The following PDE5A variants were observed in gnomAD, a reference collection of about 807,000 sequenced individuals.
PDE5A encodes the protein cGMP-specific 3',5'-cyclic phosphodiesterase.
PDE5A carries 67 observed loss-of-function variants against 110.2 expected under a neutral mutation model. That is an observed-to-expected ratio of 0.61 (90% CI 0.50 to 0.75). PDE5A has a LOEUF of 0.75. Ranked by LOEUF, PDE5A falls within the 30% of genes least tolerant of loss-of-function variation. The pLI is 0.00. For missense variants in PDE5A, 862 were observed against 1,045.1 expected, an observed-to-expected ratio of 0.82 and a Z score of 2.42; for synonymous variants, 328 against 351.2, an observed-to-expected ratio of 0.93 and a Z score of 0.74.
At chr4:119,562,010 C>G (rs1298270429) in intron 6 of PDE5A, among the ~76,000 whole-genome samples, 3 of 152,200 alleles carry the variant, frequency 2.0e-5, no homozygotes, top group African/African-American at 4.8e-5. Context: ...AGTGCACGCT[C>G]TCTTTCCTAT....
intron 5 of PDE5A, among the ~76,000 whole-genome samples, chr4:119,564,185 T>C (rs1727843770): frequency 6.6e-6 from 1 of 151,936 alleles, no homozygotes; most frequent in African/African-American, 2.4e-5. Flanking sequence ...AGATAATAAA[T>C]ATAGCTACAA....
At chr4:119,615,815 C>A (rs1280249663) in intron 1 of PDE5A, among the ~76,000 whole-genome samples, 1 of 152,076 alleles carries the variant, frequency 6.6e-6, no homozygotes, top group Non-Finnish European at 1.5e-5. Flanking sequence ...CAGAAGAAAG[C>A]CTAGCTGCCC....
At position 119,569,023 on chromosome 4, in the gene PDE5A, C is replaced by T. The variant is rs74716895; in HGVS notation, c.832-1879G>A. Among the ~76,000 whole-genome samples, 813 of 151,422 alleles carry T rather than the reference C, an allele frequency of 5.4e-3. 11 individuals carry two copies. Among genetic ancestry groups the T allele is most frequent in the African/African-American group, 0.019 (775 of 41,202 alleles). ...TAAATTTACAGTGAGATGATGATTC[C>T]TTTCAGTCTTTTTTTTTTTTTTCTT... On this transcript the variant is annotated intron_variant, in intron 3 of 20. Transcript: ENST00000354960.
In PDE5A at chr4:119,599,955, C is replaced by CT. The variant is rs1320006538; in HGVS notation, c.742-3344dup. The stretch of plus-strand genomic sequence containing the variant: ...AAGACAAGAAAAAAATGAGAAAACT[C>CT]TTTTTTAAAATATTGAAAGAAAACT... On this transcript the variant is annotated intron_variant, in intron 2 of 20. Coordinates refer to ENST00000354960, the MANE Select transcript of PDE5A (RefSeq NM_001083.4). 3.3e-5 allele frequency among the ~76,000 whole-genome samples: 5 copies of CT among 152,068 alleles called. No homozygotes were observed. In the East Asian group the frequency reaches 9.6e-4, roughly 29 times the overall value.
In PDE5A at chr4:119,607,038, G is replaced by A. The variant is rs746375265; in HGVS notation, c.412C>T (p.Pro138Ser). The A allele has an allele frequency of 3.1e-6, 5 of 1,614,052 alleles. No homozygotes were observed. Among genetic ancestry groups the A allele is most frequent in the African/African-American group, 2.7e-5 (2 of 74,916 alleles). ...CCTTCATCATGATCAAACCTTGGAG[G>A]GGTTAGAGGCATCTGTTCCTTCTTT... is the stretch of plus-strand genomic sequence containing the variant. ...SEKKEQMPLTPPRFDHDEGDQ... is the reference protein window; with the variant it reads ...SEKKEQMPLTSPRFDHDEGDQ... The change falls in exon 2 of 21, where the codon CCT becomes TCT. Residue 138 changes from proline (P) to serine (S), a missense_variant. Pro to Ser is a moderately conservative substitution (Grantham distance 74). Coordinates refer to ENST00000354960, the MANE Select transcript of PDE5A (RefSeq NM_001083.4).
chr4:119,565,166 A>G (rs113078374), intron 5 of PDE5A, among the ~76,000 whole-genome samples, 155 bp downstream of exon 5: 2 of 152,314 alleles, frequency 1.3e-5, no homozygotes, highest in African/African-American at 4.8e-5. Context: ...AAGCATGGAA[A>G]ATAGGAAATA....
chr4:119,563,067 C>A, intron 5 of PDE5A, 97 bp from the exon 6 acceptor site: 2 of 987,302 alleles, frequency 2.0e-6, no homozygotes, highest in Non-Finnish European at 2.9e-6. Flanking sequence ...TATAACCTAG[C>A]AGGTTATGAT....
At chr4:119,605,602 G>A (rs1436437463) in intron 2 of PDE5A, among the ~76,000 whole-genome samples, 2 of 151,842 alleles carry the variant, frequency 1.3e-5, no homozygotes, top group East Asian at 1.9e-4. Flanking sequence ...AGTCGAGATC[G>A]CGTTACTGCA....
chr4:119,510,208 A>T (rs914615328), intron 15 of PDE5A, among the ~76,000 whole-genome samples: 13 of 152,022 alleles, frequency 8.6e-5, no homozygotes, highest in African/African-American at 3.1e-4. Context: ...TCTATACTAT[A>T]TGTTGGAACC....
chr4:119,530,380 T>C (rs905444234), intron 11 of PDE5A, among the ~76,000 whole-genome samples: 3 of 152,262 alleles, frequency 2.0e-5, no homozygotes, highest in Admixed American at 6.5e-5. Flanking sequence ...ATCCTACAGG[T>C]TGGTGAATTA....
At chr4:119,567,937 A>G (rs543008918) in intron 3 of PDE5A, among the ~76,000 whole-genome samples, 8 of 151,896 alleles carry the variant, frequency 5.3e-5, no homozygotes, top group African/African-American at 1.7e-4. Context: ...GGAATAAGCT[A>G]TTATCCTCTA....
chr4:119,555,088 C>G (rs1373613335), intron 7 of PDE5A, among the ~76,000 whole-genome samples: 1 of 152,144 alleles, frequency 6.6e-6, no homozygotes, highest in Non-Finnish European at 1.5e-5. Flanking sequence ...ATATGGCGTC[C>G]TTCAGCGCTA....
At chr4:119,531,964 T>C (rs1726557679) in intron 11 of PDE5A, among the ~76,000 whole-genome samples, 1 of 152,176 alleles carries the variant, frequency 6.6e-6, no homozygotes, top group Non-Finnish European at 1.5e-5. Context: ...GAAAATGTTA[T>C]CTCAGTGTCC....
At chr4:119,514,918 T>C (rs1725859647) in intron 14 of PDE5A, among the ~76,000 whole-genome samples, 1 of 152,172 alleles carries the variant, frequency 6.6e-6, no homozygotes, top group South Asian at 2.1e-4. Context: ...TTTAATGACT[T>C]GCACAAGGTC....
chr4:119,604,305 A>T (rs911906016), intron 2 of PDE5A, among the ~76,000 whole-genome samples: 7 of 152,242 alleles, frequency 4.6e-5, no homozygotes, highest in African/African-American at 1.7e-4. Flanking sequence ...AGATTAAATA[A>T]AACACATATA....
chr4:119,561,625 A>G (rs1443102244), intron 6 of PDE5A, among the ~76,000 whole-genome samples: 1 of 152,222 alleles, frequency 6.6e-6, no homozygotes, highest in Non-Finnish European at 1.5e-5. Context: ...ATTAAGTGAC[A>G]TACTACATTA....
rs1368984896 is a variant in PDE5A at position 119,495,134 on chromosome 4, C to T, written c.*3467G>A. On this transcript the variant is annotated 3_prime_UTR_variant, in exon 21 of 21. Coordinates refer to ENST00000354960, the MANE Select transcript of PDE5A (RefSeq NM_001083.4). ...TAGTAAGTTTCAGGTAAAGAAGGTG[C>T]ATAAAACATATGTTATTGATGAAAA... 2 of 152,114 alleles carry T rather than the reference C, an allele frequency of 1.3e-5. No individual in the cohort carries two copies. The highest frequency in any genetic ancestry group is 4.8e-5 in the African/African-American group (2 of 41,424). The allele number at this position is 152,114 out of a possible 1,614,324, so 9.4% of individuals were successfully genotyped here. A position where few individuals can be genotyped will look rare whatever the true frequency, so the allele number is the denominator to read the frequency against.
At chr4:119,577,967 C>T (rs1728427352) in intron 3 of PDE5A, among the ~76,000 whole-genome samples, 1 of 152,226 alleles carries the variant, frequency 6.6e-6, no homozygotes, top group African/African-American at 2.4e-5. Context: ...TCTCCTTAAG[C>T]TGATAGGCAA....
At chr4:119,593,039 CT>C (rs1729034749) in intron 3 of PDE5A, among the ~76,000 whole-genome samples, 1 of 152,164 alleles carries the variant, frequency 6.6e-6, no homozygotes, top group Admixed American at 6.5e-5. Flanking sequence ...TAAATCATCT[CT>C]CAGTAGAATG....
Sources: allele counts gnomAD v4.1 joint callset (sites outside exome capture counted in the v4.1 genomes callset), GRCh38; gene constraint gnomAD v4.1.1; transcripts MANE v1.5; gene names NCBI Gene and HGNC (gene_info 2026-07-23, HGNC 2026-07-21).